Variants in ZDHHC14 observed in about 807,000 individuals in gnomAD.
ZDHHC14 encodes zDHHC palmitoyltransferase 14, also known as palmitoyltransferase ZDHHC14.
Under a neutral mutation model 47.7 loss-of-function variants are expected in ZDHHC14, and 16 were observed. That is an observed-to-expected ratio of 0.34 (90% CI 0.23 to 0.51). ZDHHC14 has a LOEUF of 0.51. Among genes scored for constraint, ZDHHC14 ranks in the 20% least tolerant of loss-of-function variants. ZDHHC14 has a pLI of 0.97. For synonymous variants in ZDHHC14, 293 were observed against 278.9 expected (o/e 1.05, Z -0.50); for missense variants, 515 against 662.5 (o/e 0.78, Z 2.44).
At chr6:157,486,655 G>A (rs1779785450) in intron 1 of ZDHHC14, among the ~76,000 whole-genome samples, 1 of 152,180 alleles carries the variant, frequency 6.6e-6, no homozygotes, top group Admixed American at 6.5e-5. Context: ...GGGTGGCAGA[G>A]GAAGCCTGAC....
At position 157,511,087 on chromosome 6, in the gene ZDHHC14, G is replaced by A. The variant is rs949331539; in HGVS notation, c.246-31498G>A. ...CAGATCCTCTTCCTCTTCCTTAGTA[G>A]GCATCTTCTCCGACTCGGCTTCTAA... On this transcript the variant is annotated intron_variant, in intron 1 of 8. Coordinates refer to ENST00000359775, the MANE Select transcript of ZDHHC14 (RefSeq NM_024630.3). Among the ~76,000 whole-genome samples the A allele has an allele frequency of 9.2e-5, 14 of 152,174 alleles. No individual in the cohort carries two copies. In the East Asian group the frequency reaches 2.5e-3, roughly 27 times the overall value.
At chr6:157,388,265 T>C (rs1437342971) in intron 1 of ZDHHC14, among the ~76,000 whole-genome samples, 1 of 152,226 alleles carries the variant, frequency 6.6e-6, no homozygotes, top group African/African-American at 2.4e-5. Context: ...ACACATGTTT[T>C]ATTGTGTTCC....
intron 1 of ZDHHC14, among the ~76,000 whole-genome samples, chr6:157,489,163 G>A (rs1292292002): frequency 1.3e-5 from 2 of 152,160 alleles, no homozygotes; most frequent in Non-Finnish European, 2.9e-5. Flanking sequence ...AAACTCACAG[G>A]GAATCTCAGC....
At chr6:157,443,719 T>C (rs1778603835) in intron 1 of ZDHHC14, among the ~76,000 whole-genome samples, 1 of 152,218 alleles carries the variant, frequency 6.6e-6, no homozygotes, top group East Asian at 1.9e-4. Flanking sequence ...TGGATATTCA[T>C]GGCTCTTATT....
intron 1 of ZDHHC14, among the ~76,000 whole-genome samples, chr6:157,499,344 C>CCACCCTCTTGCCTTT (rs1282198803): frequency 1.3e-5 from 2 of 152,110 alleles, no homozygotes; most frequent in Non-Finnish European, 2.9e-5. Flanking sequence ...TCCTGGTTTG[C>CCACCCTCTTGCCTTT]GGGTGGTGCC....
intron 1 of ZDHHC14, among the ~76,000 whole-genome samples, chr6:157,466,987 A>T (rs560097885): frequency 6.6e-6 from 1 of 152,160 alleles, no homozygotes; most frequent in South Asian, 2.1e-4. Flanking sequence ...AGGTGACTGA[A>T]GGCTCCTACC....
intron 3 of ZDHHC14, among the ~76,000 whole-genome samples, chr6:157,626,405 TTC>T (rs1491035944): frequency 6.6e-6 from 1 of 152,236 alleles, no homozygotes; most frequent in African/African-American, 2.4e-5. Context: ...TCAGATTTTT[TTC>T]TCTCTGTGCA....
chr6:157,458,492 C>T (rs1364146229), intron 1 of ZDHHC14, among the ~76,000 whole-genome samples: 3 of 151,812 alleles, frequency 2.0e-5, no homozygotes, highest in Non-Finnish European at 4.4e-5. Context: ...TGCTTTTTTC[C>T]CTCTTGAAAA....
intron 1 of ZDHHC14, among the ~76,000 whole-genome samples, chr6:157,414,011 A>C (rs546124768): frequency 6.6e-6 from 1 of 152,238 alleles, no homozygotes; most frequent in East Asian, 1.9e-4. Flanking sequence ...ATTTTGGCTC[A>C]CCATAACCTC....
chr6:157,454,282 A>G (rs1490485385), intron 1 of ZDHHC14, among the ~76,000 whole-genome samples: 1 of 152,058 alleles, frequency 6.6e-6, no homozygotes, highest in Non-Finnish European at 1.5e-5. Context: ...CTGCCTACAT[A>G]TTTTCCTTGG....
chr6:157,382,307 G>T (rs1316529479), intron 1 of ZDHHC14, 41 bp downstream of exon 1: 1 of 1,605,698 alleles, frequency 6.2e-7, no homozygotes, highest in Non-Finnish European at 8.5e-7. Context: ...GCACTCCCCT[G>T]GTCTCCCCTG....
chr6:157,484,146 G>A (rs1029505193), intron 1 of ZDHHC14, among the ~76,000 whole-genome samples: 4 of 151,504 alleles, frequency 2.6e-5, no homozygotes, highest in South Asian at 4.2e-4. Flanking sequence ...CTTCTTGAGG[G>A]TAGGGGGTGC....
intron 1 of ZDHHC14, among the ~76,000 whole-genome samples, chr6:157,505,241 T>G (rs1348870401): frequency 6.6e-6 from 1 of 152,232 alleles, no homozygotes; most frequent in Admixed American, 6.5e-5. Context: ...GAAGGTAAGA[T>G]CCAACGGTAT....
chr6:157,656,724 A>C lies in ZDHHC14; in HGVS notation c.1068+3097A>C, dbSNP rs1208646074. On this transcript the variant is annotated intron_variant, in intron 8 of 8. Transcript: ENST00000359775. ...AAGATACCAAAAAAAAAAAACAAAA[A>C]AAAAAAAAACAAGACTCCTTGCCCT... Among the ~76,000 whole-genome samples, 9 of 150,766 alleles carry C rather than the reference A, an allele frequency of 6.0e-5. No individual in the cohort carries two copies. The East Asian group carries it at 7.8e-4, about 13-fold the overall frequency.
intron 1 of ZDHHC14, among the ~76,000 whole-genome samples, chr6:157,494,191 A>G (rs186568308): frequency 6.6e-5 from 10 of 152,334 alleles, no homozygotes; most frequent in Middle Eastern, 3.4e-3. Flanking sequence ...AAGTCCCTAC[A>G]TTCTGAAATG....
chr6:157,426,868 G>A (rs566905701), intron 1 of ZDHHC14, among the ~76,000 whole-genome samples: 2 of 152,352 alleles, frequency 1.3e-5, no homozygotes, highest in South Asian at 2.1e-4. Flanking sequence ...AGCGTTTTCC[G>A]TGGAAACGGA....
At chr6:157,523,082 C>T (rs1781018287) in intron 1 of ZDHHC14, among the ~76,000 whole-genome samples, 1 of 150,754 alleles carries the variant, frequency 6.6e-6, no homozygotes, top group Non-Finnish European at 1.5e-5. Flanking sequence ...CTGTGTTGAT[C>T]TCCAGACTCC....
At chr6:157,442,226 T>C (rs1364730857) in intron 1 of ZDHHC14, among the ~76,000 whole-genome samples, 1 of 151,778 alleles carries the variant, frequency 6.6e-6, no homozygotes, top group Non-Finnish European at 1.5e-5. Context: ...ACCAAAAAAA[T>C]ACAAAAATTA....
intron 3 of ZDHHC14, among the ~76,000 whole-genome samples, chr6:157,605,884 A>G (rs578010986): frequency 6.6e-6 from 1 of 152,134 alleles, no homozygotes; most frequent in South Asian, 2.1e-4. Flanking sequence ...GCTTTTGAAG[A>G]CTCCAGGAGG....
Sources: allele counts gnomAD v4.1 joint callset (sites outside exome capture counted in the v4.1 genomes callset), GRCh38; gene constraint gnomAD v4.1.1; transcripts MANE v1.5; gene names NCBI Gene and HGNC (gene_info 2026-07-23, HGNC 2026-07-21).